The following FAS variants were observed in gnomAD, a reference collection of about 807,000 sequenced individuals.
The protein encoded by FAS is Fas cell surface death receptor.
A neutral mutation model predicts 33.2 loss-of-function variants in FAS; 5 were observed. The ratio of observed to expected loss-of-function variants is 0.15; its 90% CI spans 0.08 to 0.32. The LOEUF is 0.32. Among genes scored for constraint, FAS ranks in the 10% least tolerant of loss-of-function variants. The pLI, the probability that FAS is intolerant of heterozygous loss-of-function variation, is 1.00. For missense variants in FAS, 339 were observed against 386.0 expected (o/e 0.88, Z 1.02); for synonymous variants, 131 against 130.7 (o/e 1.00, Z -0.01).
intron 1 of FAS, among the ~76,000 whole-genome samples, chr10:89,001,984 T>G (rs975217824): frequency 1.3e-5 from 2 of 152,138 alleles, no homozygotes; most frequent in African/African-American, 4.8e-5. Flanking sequence ...CTGGCAAGTT[T>G]TGCCTTCCCC....
intron 4 of FAS, among the ~76,000 whole-genome samples, 160 bp downstream of exon 4, chr10:89,009,157 C>T (rs1345400058): frequency 6.6e-6 from 1 of 152,184 alleles, no homozygotes. Context: ...CACTGGTGAA[C>T]TTCCTGTGTA....
At position 89,007,585 on chromosome 10, in the gene FAS, C is replaced by A; in HGVS notation, c.197-115C>A. 4 of 1,313,980 alleles carry A rather than the reference C, an allele frequency of 3.0e-6. No homozygotes were observed. In the South Asian group the frequency reaches 3.8e-5, roughly 12 times the overall value. The allele number at this position is 1,313,980 out of a possible 1,614,324, so 81.4% of individuals were successfully genotyped here. Reference sequence around the variant, plus strand: ...ATTGTATTTATATCTCATTAGCCTACCCCCCCTCCCCTTGTGTTTTAGAAG... The same window carrying A: ...ATTGTATTTATATCTCATTAGCCTAACCCCCCTCCCCTTGTGTTTTAGAAG... On this transcript the variant is annotated intron_variant, in intron 2 of 8. Coordinates refer to ENST00000652046, the MANE Select transcript of FAS (RefSeq NM_000043.6).
At chr10:88,975,917 T>C (rs367674273) in intron 2 of FAS, among the ~76,000 whole-genome samples, 15 of 152,196 alleles carry the variant, frequency 9.9e-5, no homozygotes, top group East Asian at 7.7e-4. Context: ...GTGAGATTAA[T>C]AGAAGCCAAA....
In FAS at chr10:89,015,714, G is replaced by A. The variant is rs972858704; in HGVS notation, c.*1264G>A. On this transcript the variant is annotated 3_prime_UTR_variant, in exon 9 of 9. Transcript: ENST00000652046. Reference sequence around the variant, plus strand: ...ACCTAAAGAACTTCCATTTATGGAGGATTTTTTTGCCCCTTGTGTTTGGAA... The same window carrying A: ...ACCTAAAGAACTTCCATTTATGGAGAATTTTTTTGCCCCTTGTGTTTGGAA... 4.0e-6 allele frequency: 2 copies of A among 498,244 alleles called. No homozygotes were observed. Among genetic ancestry groups the A allele is most frequent in the Admixed American group, 4.7e-5 (2 of 42,716 alleles). 30.9% of individuals were successfully genotyped at this position (498,244 alleles called of 1,614,324 possible). A position where few individuals can be genotyped will look rare whatever the true frequency, so the allele number is the denominator to read the frequency against.
chr10:88,973,152 C>T, intron 1 of FAS: 1 of 1,587,212 alleles, frequency 6.3e-7, no homozygotes, highest in Non-Finnish European at 8.6e-7. Context: ...CCAATCCTCT[C>T]ACCTTCCCTT....
chr10:89,005,092 A>C (rs1848144447), intron 2 of FAS, among the ~76,000 whole-genome samples: 1 of 151,550 alleles, frequency 6.6e-6, no homozygotes, highest in Non-Finnish European at 1.5e-5. Flanking sequence ...AATAAAAGTT[A>C]AGTAGTAGGA....
At chr10:88,983,554 T>G (rs1470158503), upstream of FAS, among the ~76,000 whole-genome samples, 1 of 126,462 alleles carries the variant, frequency 7.9e-6, no homozygotes, top group East Asian at 2.2e-4. Flanking sequence ...AATAGGATGG[T>G]AACAGGACCT....
chr10:88,994,120 A>C (rs1847436614), intron 1 of FAS, among the ~76,000 whole-genome samples: 1 of 152,216 alleles, frequency 6.6e-6, no homozygotes, highest in Admixed American at 6.5e-5. Context: ...GAGACACTGG[A>C]CAAGTAATTT....
intron 2 of FAS, among the ~76,000 whole-genome samples, chr10:88,980,152 T>A (rs1333348173): frequency 6.6e-6 from 1 of 152,020 alleles, no homozygotes; most frequent in Non-Finnish European, 1.5e-5. Flanking sequence ...AGAAATGAAA[T>A]AGTTCAGTTT....
At chr10:89,002,224 T>G (rs1847968853) in intron 1 of FAS, among the ~76,000 whole-genome samples, 1 of 152,244 alleles carries the variant, frequency 6.6e-6, no homozygotes, top group Non-Finnish European at 1.5e-5. Context: ...TCTACAAATA[T>G]GAAACAGCCC....
chr10:89,013,988 A>C, intron 8 of FAS, 131 bp from the exon 9 acceptor site: 1 of 881,028 alleles, frequency 1.1e-6, no homozygotes, highest in South Asian at 1.7e-5. Flanking sequence ...GTATTCCCCT[A>C]GTCAGCTCTT....
rs1848316008 is a variant in FAS, at chr10:89,007,827, T to C, written c.324T>C (p.Asp108=). The part of the protein sequence containing the change: ...SSKCRRCRLC[D]EGHGLEVEIN... ...AATGCAGAAGATGTAGATTGTGTGA[T>C]GAAGGACATGGTAAGAGTCTTAAAA... Residue 108 remains aspartate, a synonymous_variant, in exon 3 of 9, where the codon GAT becomes GAC. Coordinates refer to ENST00000652046, the MANE Select transcript of FAS (RefSeq NM_000043.6). 1.2e-6 allele frequency: 2 copies of C among 1,613,932 alleles called. No homozygotes were observed. Among genetic ancestry groups the C allele is most frequent in the Non-Finnish European group, 8.5e-7 (1 of 1,179,880 alleles).
At position 89,015,459 on chromosome 10, in the gene FAS, C is replaced by G. The variant is rs1848758696; in HGVS notation, c.*1009C>G. ...TGTTCAATAATGTCCCATGTAAAACCTGCTACAAATGGCAGCTTATACATA... is the reference window on the plus strand; with the variant it reads ...TGTTCAATAATGTCCCATGTAAAACGTGCTACAAATGGCAGCTTATACATA... On this transcript the variant is annotated 3_prime_UTR_variant, in exon 9 of 9. Coordinates refer to ENST00000652046, the MANE Select transcript of FAS (RefSeq NM_000043.6). 1.9e-6 allele frequency: 1 copy of G among 533,848 alleles called. No homozygotes were observed. The highest frequency in any genetic ancestry group is 5.2e-4 in the Middle Eastern group (1 of 1,932). 33.1% of individuals were successfully genotyped at this position (533,848 alleles called of 1,614,324 possible).
upstream of FAS, among the ~76,000 whole-genome samples, chr10:88,988,906 A>C (rs993490489): frequency 6.6e-6 from 1 of 152,358 alleles, no homozygotes; most frequent in East Asian, 1.9e-4. Context: ...TTATTTGACC[A>C]TGAAACATAT....
chr10:88,990,952 CGG>C lies in FAS; in HGVS notation c.30+49_30+50del. The C allele has an allele frequency of 6.2e-7, 1 of 1,613,692 alleles. No individual in the cohort carries two copies. Among genetic ancestry groups the C allele is most frequent in the Non-Finnish European group, 8.5e-7 (1 of 1,179,660 alleles). ...GTGGAGGCTTACCCCGTCTTAGTCC[CGG>C]GGATAGGCAAAGTGGGGCGGGCGCG... On this transcript the variant is annotated intron_variant, in intron 1 of 8. Transcript: ENST00000652046. This position sits in a 1 kb window ranked among gnomAD's most constrained non-coding sequence, Gnocchi z 4.9.
At chr10:88,989,948 C>A (rs777082601), upstream of FAS, among the ~76,000 whole-genome samples, 7 of 152,120 alleles carry the variant, frequency 4.6e-5, no homozygotes, top group Non-Finnish European at 1.0e-4. Context: ...CGTTCCAAAG[C>A]AATAGTGACT....
intron 2 of FAS, among the ~76,000 whole-genome samples, chr10:88,979,144 A>G (rs1365317427): frequency 6.6e-6 from 1 of 152,132 alleles, no homozygotes; most frequent in Non-Finnish European, 1.5e-5. Context: ...TACAATTAAA[A>G]TTATAGATTC....
In FAS at chr10:89,003,037, G is replaced by T. The variant is rs377196867; in HGVS notation, c.39G>T (p.Thr13=). ...ATGCTTTTATTTTACAGGTTCTTACGTCTGTTGCTAGATTATCGTCCAAAA... is the reference window on the plus strand; with the variant it reads ...ATGCTTTTATTTTACAGGTTCTTACTTCTGTTGCTAGATTATCGTCCAAAA... The part of the protein sequence containing the change: ...GIWTLLPLVL[T]SVARLSSKSV... The change falls in exon 2 of 9, where the codon ACG becomes ACT. Residue 13 remains threonine, a synonymous_variant. Coordinates refer to ENST00000652046, the MANE Select transcript of FAS (RefSeq NM_000043.6). 2 of 1,613,912 alleles carry T rather than the reference G, an allele frequency of 1.2e-6. No homozygotes were observed. The highest frequency in any genetic ancestry group is 4.5e-5 in the East Asian group (2 of 44,894).
At chr10:89,007,497 T>C (rs1003928916) in intron 2 of FAS, among the ~76,000 whole-genome samples, 13 of 152,212 alleles carry the variant, frequency 8.5e-5, no homozygotes, top group Non-Finnish European at 1.6e-4. Context: ...AGTCACTCTT[T>C]TAGCTTTTGT....
Sources: allele counts gnomAD v4.1 joint callset (sites outside exome capture counted in the v4.1 genomes callset), GRCh38; gene constraint gnomAD v4.1.1; non-coding constraint Gnocchi (gnomAD v3.1); transcripts MANE v1.5; gene names NCBI Gene and HGNC (gene_info 2026-07-23, HGNC 2026-07-21).